The following CNTN4 variants were observed in gnomAD, a reference collection of about 807,000 sequenced individuals.
CNTN4 encodes the protein contactin-4.
Under a neutral mutation model 122.5 loss-of-function variants are expected in CNTN4, and 77 were observed. That is an observed-to-expected ratio of 0.63 (90% CI 0.52 to 0.76). The LOEUF (loss-of-function observed/expected upper bound fraction) is 0.76. CNTN4 is among the 30% of genes least tolerant of loss of function. The pLI, the probability that CNTN4 is intolerant of heterozygous loss-of-function variation, is 0.00. For synonymous variants in CNTN4, 512 were observed against 447.0 expected (o/e 1.15, Z -1.83); for missense variants, 1,256 against 1,259.1 (o/e 1.00, Z 0.04).
chr3:2,324,686 T>C (rs972460917), intron 2 of CNTN4, among the ~76,000 whole-genome samples: 5 of 152,158 alleles, frequency 3.3e-5, no homozygotes, highest in Admixed American at 1.3e-4. Flanking sequence ...GGAATCACCT[T>C]TCCCTATGTC....
intron 7 of CNTN4, among the ~76,000 whole-genome samples, chr3:2,844,232 C>T (rs968800969): frequency 1.3e-5 from 2 of 152,242 alleles, no homozygotes; most frequent in Admixed American, 6.5e-5. Context: ...CCTTCTCCAT[C>T]GCTTTCACTG....
rs2093367028 is a variant in CNTN4 at position 2,841,813 on chromosome 3, C to T, written c.454+22232C>T. Reference sequence around the variant, plus strand: ...TTGACCACAAATATTAAACGTTTCACCAGGGAAATGGCTGGTAAGAGATTT... The same window carrying T: ...TTGACCACAAATATTAAACGTTTCATCAGGGAAATGGCTGGTAAGAGATTT... On this transcript the variant is annotated intron_variant, in intron 7 of 24. Coordinates refer to ENST00000418658, the MANE Select transcript of CNTN4 (RefSeq NM_175607.3). The surrounding 1 kb of genome is among the most constrained non-coding windows in gnomAD (Gnocchi z 4.8). 6.6e-6 allele frequency among the ~76,000 whole-genome samples: 1 copy of T among 150,748 alleles called. No individual in the cohort carries two copies. The highest frequency in any genetic ancestry group is 1.5e-5 in the Non-Finnish European group (1 of 68,038).
At chr3:2,777,056 C>T (rs2091351612) in intron 6 of CNTN4, among the ~76,000 whole-genome samples, 1 of 152,148 alleles carries the variant, frequency 6.6e-6, no homozygotes, top group South Asian at 2.1e-4. Flanking sequence ...TCTTGGTTCA[C>T]TGCAACCTCT....
rs1577275695 is a variant in CNTN4 at position 2,920,196 on chromosome 3, A to T, written c.1208-5433A>T. On this transcript the variant is annotated intron_variant, in intron 12 of 24. Coordinates refer to ENST00000418658, the MANE Select transcript of CNTN4 (RefSeq NM_175607.3). ...CACATACTGTATGATTACACACCAC[A>T]CACACACAGACTCTCTCTCACACAC... 2.0e-5 allele frequency among the ~76,000 whole-genome samples: 3 copies of T among 151,658 alleles called. No homozygotes were observed. The South Asian group carries it at 6.3e-4, about 32-fold the overall frequency.
intron 5 of CNTN4, among the ~76,000 whole-genome samples, chr3:2,739,687 G>C (rs943189156): frequency 5.9e-5 from 9 of 152,078 alleles, no homozygotes; most frequent in Non-Finnish European, 1.2e-4. Context: ...AGATCAAAAG[G>C]AGAAAAACAT....
chr3:2,737,583 T>C (rs572610267), intron 5 of CNTN4, among the ~76,000 whole-genome samples: 4 of 152,332 alleles, frequency 2.6e-5, no homozygotes, highest in African/African-American at 9.6e-5. Context: ...ATCAGTAAAC[T>C]GGCAGGAAAG....
At chr3:2,960,796 C>T (rs745477801) in intron 13 of CNTN4, among the ~76,000 whole-genome samples, 4 of 152,186 alleles carry the variant, frequency 2.6e-5, no homozygotes, top group Non-Finnish European at 2.9e-5. Flanking sequence ...CCCACTTTCA[C>T]TCTTGACTTG....
chr3:3,042,761 G>A (rs769450267), intron 21 of CNTN4: 2 of 606,496 alleles, frequency 3.3e-6, no homozygotes, highest in Admixed American at 2.9e-5. Flanking sequence ...TTGTGTCAAT[G>A]TACCGTCTCA....
At chr3:2,835,715 A>G (rs2093210326) in intron 7 of CNTN4, among the ~76,000 whole-genome samples, 3 of 152,066 alleles carry the variant, frequency 2.0e-5, no homozygotes, top group Admixed American at 2.0e-4. Context: ...TCAAAAGTGA[A>G]AAAAATGAGA....
intron 10 of CNTN4, among the ~76,000 whole-genome samples, chr3:2,896,145 C>A (rs1307184050): frequency 1.3e-5 from 2 of 152,170 alleles, no homozygotes; most frequent in African/African-American, 4.8e-5. Context: ...AATCCCCAGA[C>A]TGCATTTCCA....
At chr3:2,554,889 C>G (rs981492708) in intron 3 of CNTN4, among the ~76,000 whole-genome samples, 1 of 152,132 alleles carries the variant, frequency 6.6e-6, no homozygotes, top group Non-Finnish European at 1.5e-5. Flanking sequence ...AACGTTTGTC[C>G]CATGGGATTT....
At chr3:2,230,553 A>G (rs2039445783) in intron 2 of CNTN4, among the ~76,000 whole-genome samples, 1 of 152,190 alleles carries the variant, frequency 6.6e-6, no homozygotes, top group African/African-American at 2.4e-5. Context: ...GATTGTACCA[A>G]TAATATGGGT....
intron 24 of CNTN4, among the ~76,000 whole-genome samples, chr3:3,055,070 G>A (rs1308463428): frequency 6.6e-6 from 1 of 152,202 alleles, no homozygotes. Flanking sequence ...TGATATGCCA[G>A]TGTTTCTGGA....
At chr3:2,455,263 G>A (rs2048956995) in intron 3 of CNTN4, among the ~76,000 whole-genome samples, 1 of 152,118 alleles carries the variant, frequency 6.6e-6, no homozygotes, top group Non-Finnish European at 1.5e-5. Context: ...GCTGTGTTTG[G>A]CTTAATAATA....
At chr3:2,253,500 T>C (rs950347010) in intron 2 of CNTN4, among the ~76,000 whole-genome samples, 1 of 152,154 alleles carries the variant, frequency 6.6e-6, no homozygotes, top group African/African-American at 2.4e-5. Context: ...CTTTTATAAA[T>C]TCAACAGCTA....
intron 8 of CNTN4, among the ~76,000 whole-genome samples, chr3:2,881,320 C>T (rs2093907101): frequency 6.6e-6 from 1 of 152,134 alleles, no homozygotes; most frequent in Non-Finnish European, 1.5e-5. Flanking sequence ...CAAGACGAGC[C>T]TGGCCAACAT....
At chr3:2,635,164 C>T (rs1333156397) in intron 4 of CNTN4, among the ~76,000 whole-genome samples, 1 of 152,078 alleles carries the variant, frequency 6.6e-6, no homozygotes, top group Non-Finnish European at 1.5e-5. Flanking sequence ...TTCAATGCCA[C>T]CACTCTGGAT....
chr3:2,745,913 T>G (rs2089726776), intron 6 of CNTN4, among the ~76,000 whole-genome samples: 1 of 152,166 alleles, frequency 6.6e-6, no homozygotes, highest in African/African-American at 2.4e-5. Flanking sequence ...AGGATTGAGA[T>G]AGTTGATTGT....
intron 2 of CNTN4, among the ~76,000 whole-genome samples, chr3:2,329,083 C>G (rs960896042): frequency 1.3e-5 from 2 of 151,932 alleles, no homozygotes; most frequent in Admixed American, 6.6e-5. Flanking sequence ...AAAATTTTCA[C>G]AAATGGAAAA....
Sources: gnomAD v4.1 joint callset for allele counts (sites outside exome capture counted in the v4.1 genomes callset) on GRCh38, gnomAD v4.1.1 for gene constraint, Gnocchi (gnomAD v3.1) non-coding constraint, MANE v1.5 for transcripts, NCBI Gene and HGNC (gene_info 2026-07-23, HGNC 2026-07-21) for gene names.